TMEM131: variants seen among roughly 807,000 people sequenced by gnomAD.
TMEM131 encodes transmembrane protein 131, also known as 2610524E03Rik.
In TMEM131, 66 loss-of-function variants were observed where a neutral mutation model predicts 211.6. The ratio of observed to expected loss-of-function variants is 0.31; its 90% CI spans 0.26 to 0.38. The LOEUF is 0.38. TMEM131 is among the 10% of genes least tolerant of loss of function. The pLI is 1.00. For missense variants in TMEM131, 2,036 were observed against 2,299.3 expected, an observed-to-expected ratio of 0.89 and a Z score of 2.34; for synonymous variants, 844 against 841.3, an observed-to-expected ratio of 1.00 and a Z score of -0.06.
chr2:97,912,901 G>A lies in TMEM131; in HGVS notation c.250-4203C>T, dbSNP rs116244540. ...TCTTCCAATCAAATAGACCAGCCTC[G>A]GCAAAAATATATGTGATATGCTTTA... On this transcript the variant is annotated intron_variant, in intron 2 of 40. Coordinates refer to ENST00000186436, the MANE Select transcript of TMEM131 (RefSeq NM_015348.2). Among the ~76,000 whole-genome samples, 883 of 152,078 alleles carry A rather than the reference G, an allele frequency of 5.8e-3. 14 individuals are homozygous for A. The highest frequency in any genetic ancestry group is 0.02 in the African/African-American group (840 of 41,476).
chr2:97,942,924 C>T (rs570319131), intron 1 of TMEM131, among the ~76,000 whole-genome samples: 1 of 149,460 alleles, frequency 6.7e-6, no homozygotes, highest in East Asian at 2.0e-4. Context: ...GAGTTCAACA[C>T]CAGCCTGGGC....
chr2:97,822,201 C>T (rs1222534746), intron 11 of TMEM131, among the ~76,000 whole-genome samples: 1 of 152,026 alleles, frequency 6.6e-6, no homozygotes, highest in Admixed American at 6.5e-5. Context: ...GACTCTATTC[C>T]CTCCTTTAGG....
rs762806810 is a variant in TMEM131, at chr2:97,818,767, T to C, written c.1075-46A>G. On this transcript the variant is annotated intron_variant, in intron 11 of 40. Transcript: ENST00000186436. ...CATACATGGCATTATTTCAGACTAATGGTTCAGTTGCCTTATACTTATACT... is the reference window on the plus strand; with the variant it reads ...CATACATGGCATTATTTCAGACTAACGGTTCAGTTGCCTTATACTTATACT... 5.5e-6 allele frequency: 7 copies of C among 1,275,894 alleles called. No individual in the cohort carries two copies. The East Asian group carries it at 1.2e-4, about 22-fold the overall frequency. The allele number at this position is 1,275,894 out of a possible 1,614,324, so 79.0% of individuals were successfully genotyped here. A position where few individuals can be genotyped will look rare whatever the true frequency, so the allele number is the denominator to read the frequency against.
intron 31 of TMEM131, among the ~76,000 whole-genome samples, chr2:97,789,168 G>A (rs568963677): frequency 4.6e-5 from 7 of 152,312 alleles, no homozygotes; most frequent in Admixed American, 2.6e-4. Flanking sequence ...TCCAGGCTCC[G>A]CGAGCACTCT....
intron 3 of TMEM131, among the ~76,000 whole-genome samples, chr2:97,901,052 T>A (rs1045928449): frequency 4.6e-5 from 7 of 152,150 alleles, no homozygotes; most frequent in South Asian, 2.1e-4. Flanking sequence ...ACTTATCTTT[T>A]GATTGAGCAA....
intron 1 of TMEM131, among the ~76,000 whole-genome samples, chr2:97,984,656 T>A (rs542296287): frequency 4.4e-4 from 66 of 151,554 alleles, no homozygotes; most frequent in Middle Eastern, 3.5e-3. Flanking sequence ...TAGTTCCCCA[T>A]CCCCCTGGGG....
At chr2:97,912,010 T>C (rs149135261) in intron 2 of TMEM131, among the ~76,000 whole-genome samples, 15 of 152,112 alleles carry the variant, frequency 9.9e-5, no homozygotes, top group African/African-American at 3.6e-4. Flanking sequence ...TAAGATAAAC[T>C]CAACTGTTTA....
chr2:97,919,196 G>A (rs1001291742), intron 2 of TMEM131, among the ~76,000 whole-genome samples: 1 of 152,118 alleles, frequency 6.6e-6, no homozygotes, highest in Admixed American at 6.5e-5. Context: ...TATTATTATT[G>A]TTCTACAAAG....
chr2:97,940,964 A>G (rs1436532748), intron 1 of TMEM131, among the ~76,000 whole-genome samples: 2 of 152,178 alleles, frequency 1.3e-5, no homozygotes, highest in African/African-American at 2.4e-5. Context: ...ACAGGATTGG[A>G]AAATACTACT....
At chr2:97,977,308 T>C (rs972775993) in intron 1 of TMEM131, among the ~76,000 whole-genome samples, 1 of 152,060 alleles carries the variant, frequency 6.6e-6, no homozygotes, top group African/African-American at 2.4e-5. Context: ...AACTCTCAAA[T>C]CTCAAAAATA....
chr2:97,762,348 AG>A, intron 35 of TMEM131, 148 bp from the exon 36 acceptor site: 3 of 770,980 alleles, frequency 3.9e-6, no homozygotes, highest in Non-Finnish European at 6.0e-6. Flanking sequence ...TCTGTTTAAC[AG>A]GTTTTAAAGA....
chr2:97,876,504 G>A (rs777537728), intron 4 of TMEM131, among the ~76,000 whole-genome samples: 1 of 152,086 alleles, frequency 6.6e-6, no homozygotes. Flanking sequence ...TATCCACCAC[G>A]ATCAAGTTGT....
At chr2:97,858,819 CT>C (rs1316922669) in intron 5 of TMEM131, among the ~76,000 whole-genome samples, 1 of 152,216 alleles carries the variant, frequency 6.6e-6, no homozygotes, top group African/African-American at 2.4e-5. Flanking sequence ...CTCTCAACAA[CT>C]TTAATGAGTT....
intron 31 of TMEM131, among the ~76,000 whole-genome samples, chr2:97,788,564 A>G (rs1269708970): frequency 1.3e-5 from 2 of 152,046 alleles, no homozygotes; most frequent in Non-Finnish European, 2.9e-5. Flanking sequence ...TCATCTACCA[A>G]ACTGGGTCTC....
At chr2:97,971,395 T>C (rs926702689) in intron 1 of TMEM131, among the ~76,000 whole-genome samples, 4 of 152,130 alleles carry the variant, frequency 2.6e-5, no homozygotes, top group African/African-American at 9.7e-5. Context: ...ATTCTTCAAT[T>C]TTAAAAGAAA....
chr2:97,894,985 C>T (rs1675542069), intron 3 of TMEM131, among the ~76,000 whole-genome samples: 1 of 152,186 alleles, frequency 6.6e-6, no homozygotes. Flanking sequence ...TTTGCCCATT[C>T]AGCTTGATAG....
At chr2:97,761,797 C>T (rs948858490) in intron 36 of TMEM131, 14 of 448,416 alleles carry the variant, frequency 3.1e-5, no homozygotes, top group Middle Eastern at 5.8e-4. Context: ...GTGCATTTCT[C>T]GGTCCACAGG....
chr2:97,815,394 A>G, intron 12 of TMEM131, 87 bp from the exon 13 acceptor site: 1 of 808,974 alleles, frequency 1.2e-6, no homozygotes, highest in South Asian at 2.4e-5. Context: ...AAATCTTAAA[A>G]AAAAAAAAAG....
Position 97,802,833 on chromosome 2 carries a change from T to C in TMEM131, c.2403-43A>G, listed in dbSNP as rs573646682. 15 of 1,482,302 alleles carry C rather than the reference T, an allele frequency of 1.0e-5. 1 individual carries two copies. In the Middle Eastern group the frequency reaches 6.9e-4, roughly 69 times the overall value. 91.8% of individuals were successfully genotyped at this position (1,482,302 alleles called of 1,614,324 possible). On this transcript the variant is annotated intron_variant, in intron 22 of 40. Transcript: ENST00000186436. The stretch of plus-strand genomic sequence containing the variant: ...AAGTCACTGTATCAAAATGAAATAT[T>C]TGAGTCTTCTGAACATAAGAAATTC...
Sources: allele counts gnomAD v4.1 joint callset (sites outside exome capture counted in the v4.1 genomes callset), GRCh38; gene constraint gnomAD v4.1.1; transcripts MANE v1.5; gene names NCBI Gene and HGNC (gene_info 2026-07-23, HGNC 2026-07-21).